The following RUSC2 variants were observed in gnomAD, a reference collection of about 807,000 sequenced individuals.
RUSC2 encodes the protein AP-4 complex accessory subunit RUSC2.
RUSC2 carries 34 observed loss-of-function variants against 122.2 expected under a neutral mutation model. That is an observed-to-expected ratio of 0.28 (90% CI 0.21 to 0.37). The LOEUF (loss-of-function observed/expected upper bound fraction) is 0.37, where lower values mean the gene tolerates loss of function less well. Ranked by LOEUF, RUSC2 falls within the 10% of genes least tolerant of loss-of-function variation. RUSC2 has a pLI of 1.00. For synonymous variants in RUSC2, 784 were observed against 790.0 expected, an observed-to-expected ratio of 0.99 and a Z score of 0.13; for missense variants, 1,747 against 1,952.4, an observed-to-expected ratio of 0.89 and a Z score of 1.98.
In RUSC2 at chr9:35,558,597, A is replaced by C; in HGVS notation, c.3341+30A>C. On this transcript the variant is annotated intron_variant, in intron 8 of 11. Transcript: ENST00000361226. This position sits in a 1 kb window ranked among gnomAD's most constrained non-coding sequence, Gnocchi z 4.3. ...GTGCACAGAGCAGCAAGATCCCCTA[A>C]ACAACTTGCCCTGCCCCCCACCCCC... The C allele has an allele frequency of 3.2e-6, 5 of 1,554,210 alleles. No individual in the cohort carries two copies. The highest frequency in any genetic ancestry group is 4.4e-6 in the Non-Finnish European group (5 of 1,125,744).
intron 1 of RUSC2, among the ~76,000 whole-genome samples, chr9:35,543,689 G>C (rs1366219721): frequency 6.6e-6 from 1 of 152,072 alleles, no homozygotes; most frequent in Non-Finnish European, 1.5e-5. Context: ...GGCTGGTCTT[G>C]AACTCTTGAC....
intron 1 of RUSC2, among the ~76,000 whole-genome samples, chr9:35,496,578 G>A (rs1564241121): frequency 1.3e-5 from 2 of 152,144 alleles, no homozygotes; most frequent in Non-Finnish European, 2.9e-5. Flanking sequence ...AATTCCTGGT[G>A]TTGTCCTATT....
chr9:35,509,161 C>CA (rs1043821575), intron 1 of RUSC2, among the ~76,000 whole-genome samples: 8 of 151,446 alleles, frequency 5.3e-5, no homozygotes, highest in East Asian at 3.9e-4. Context: ...CTCGTCTCTT[C>CA]AAAAAAAAAT....
intron 2 of RUSC2, among the ~76,000 whole-genome samples, chr9:35,550,661 T>G (rs1221679314): frequency 1.3e-5 from 2 of 151,784 alleles, no homozygotes; most frequent in East Asian, 3.9e-4. Context: ...TGAAGCTATG[T>G]GTGTGGCTGA....
chr9:35,502,229 C>A (rs1259330801), intron 1 of RUSC2, among the ~76,000 whole-genome samples: 1 of 152,200 alleles, frequency 6.6e-6, no homozygotes, highest in East Asian at 1.9e-4. Context: ...ACTCTTAGAT[C>A]TAAACTCTGT....
intron 1 of RUSC2, among the ~76,000 whole-genome samples, chr9:35,536,127 A>G (rs1280869311): frequency 6.6e-6 from 1 of 152,262 alleles, no homozygotes; most frequent in African/African-American, 2.4e-5. Flanking sequence ...GAAGTTTGCC[A>G]TCAATATGCA....
At chr9:35,496,193 G>T (rs1371745250) in intron 1 of RUSC2, among the ~76,000 whole-genome samples, 1 of 152,134 alleles carries the variant, frequency 6.6e-6, no homozygotes, top group African/African-American at 2.4e-5. Flanking sequence ...GGCTGCAGAG[G>T]TTGAGGCATG....
At chr9:35,507,751 C>A (rs1176300828) in intron 1 of RUSC2, 2 of 225,478 alleles carry the variant, frequency 8.9e-6, no homozygotes, top group Admixed American at 8.3e-5. Flanking sequence ...GCTAAAACTA[C>A]AGAGAAGATT....
At chr9:35,510,365 G>A (rs944138443) in intron 1 of RUSC2, among the ~76,000 whole-genome samples, 1 of 152,172 alleles carries the variant, frequency 6.6e-6, no homozygotes, top group Non-Finnish European at 1.5e-5. Context: ...AATTTTTAAA[G>A]AGAAAACAGA....
chr9:35,508,257 C>T (rs1487069707), intron 1 of RUSC2, among the ~76,000 whole-genome samples: 1 of 152,214 alleles, frequency 6.6e-6, no homozygotes, highest in Admixed American at 6.5e-5. Flanking sequence ...CTCCCTGGCG[C>T]TCTGGATTGC....
intron 1 of RUSC2, among the ~76,000 whole-genome samples, chr9:35,536,541 G>A (rs1255226745): frequency 1.3e-5 from 2 of 152,178 alleles, no homozygotes; most frequent in Admixed American, 6.5e-5. Context: ...GGCTGGGCAC[G>A]GTGGCTCACA....
intron 1 of RUSC2, among the ~76,000 whole-genome samples, chr9:35,530,016 A>G (rs1821390551): frequency 1.3e-5 from 2 of 152,078 alleles, no homozygotes; most frequent in African/African-American, 2.4e-5. Context: ...CAGTGGCACA[A>G]TCTCCACTCA....
chr9:35,551,318 A>G (rs1270572156), intron 2 of RUSC2, among the ~76,000 whole-genome samples: 1 of 152,190 alleles, frequency 6.6e-6, no homozygotes, highest in Admixed American at 6.5e-5. Context: ...TTGGCTTCAC[A>G]AAAGAAAATG....
At chr9:35,491,140 G>A (rs1820560006) in intron 1 of RUSC2, among the ~76,000 whole-genome samples, 1 of 151,886 alleles carries the variant, frequency 6.6e-6, no homozygotes, top group Non-Finnish European at 1.5e-5. Context: ...CAAAGGGCCT[G>A]AAACCTGTTT....
Position 35,561,069 on chromosome 9 carries a change from T to C in RUSC2, c.4321T>C (p.Ser1441Pro). 6.2e-7 allele frequency: 1 copy of C among 1,614,018 alleles called. No homozygotes were observed. The highest frequency in any genetic ancestry group is 8.5e-7 in the Non-Finnish European group (1 of 1,179,944). The change falls in exon 11 of 12, where the codon TCC becomes CCC. Residue 1441 changes from serine to proline, a missense_variant. Physicochemically the swap from Ser to Pro is moderately conservative, Grantham distance 74. Transcript: ENST00000361226. ...CAAGGAGAGCCTGCAGGAGCCACAC[T>C]CCCCAGCCCTGCCCTCCAGTCCTCC... Reference protein sequence around the residue: ...EPKESLQEPHSPALPSSPPCE... With the variant: ...EPKESLQEPHPPALPSSPPCE...
At chr9:35,495,029 T>TAA (rs1442985192) in intron 1 of RUSC2, among the ~76,000 whole-genome samples, 13 of 99,788 alleles carry the variant, frequency 1.3e-4, no homozygotes, top group Admixed American at 3.2e-4. Context: ...ATTTTATATA[T>TAA]TATATATACT....
Position 35,561,765 on chromosome 9 carries a change from C to A in RUSC2, c.*383C>A. The A allele has an allele frequency of 1.8e-6, 1 of 553,076 alleles. No individual in the cohort carries two copies. Among genetic ancestry groups the A allele is most frequent in the Non-Finnish European group, 3.2e-6 (1 of 314,116 alleles). 34.3% of individuals were successfully genotyped at this position (553,076 alleles called of 1,614,324 possible). On this transcript the variant is annotated 3_prime_UTR_variant, in exon 12 of 12. Transcript: ENST00000361226. ...ACAGTATTGGGGCCAGATCCCTAAG[C>A]CCCCCAGCTGTAAATAGGCTGTGGC...
At chr9:35,526,295 G>A (rs991078713) in intron 1 of RUSC2, among the ~76,000 whole-genome samples, 3 of 152,120 alleles carry the variant, frequency 2.0e-5, no homozygotes, top group Admixed American at 6.5e-5. Flanking sequence ...TGAGGAGTGG[G>A]GAAAGGTATC....
At chr9:35,549,005 C>T in intron 2 of RUSC2, 1 of 937,440 alleles carries the variant, frequency 1.1e-6, no homozygotes, top group Non-Finnish European at 1.3e-6. Context: ...GCACTCCAGC[C>T]TGGGCAGACA....
Sources: gnomAD v4.1 joint callset for allele counts (sites outside exome capture counted in the v4.1 genomes callset) on GRCh38, gnomAD v4.1.1 for gene constraint, Gnocchi (gnomAD v3.1) non-coding constraint, MANE v1.5 for transcripts, NCBI Gene and HGNC (gene_info 2026-07-23, HGNC 2026-07-21) for gene names.